Variants in ISLR2 observed in about 807,000 individuals in gnomAD.
ISLR2 encodes the protein immunoglobulin superfamily containing leucine rich repeat 2.
A neutral mutation model predicts 25.5 loss-of-function variants in ISLR2; 16 were observed. That is an observed-to-expected ratio of 0.63 (90% confidence interval 0.43 to 0.95). The LOEUF is 0.95. Ranked by LOEUF, ISLR2 falls within the 40% of genes least tolerant of loss-of-function variation. The pLI is 0.00. For missense variants in ISLR2, 883 were observed against 1,030.7 expected (o/e 0.86, Z 1.96); for synonymous variants, 508 against 486.6 (o/e 1.04, Z -0.58).
Position 74,133,418 on chromosome 15 carries a change from G to A in ISLR2, c.664G>A (p.Val222Met), listed in dbSNP as rs758693988. Residue 222 changes from valine to methionine, a missense_variant, in exon 3 of 3, where the codon GTG (valine) becomes ATG (methionine). Coordinates refer to ENST00000453268, the MANE Select transcript of ISLR2 (RefSeq NM_020851.3). The part of the protein sequence containing the change: ...ASPPALQGVP[V>M]YRLPALPCAP... The stretch of plus-strand genomic sequence containing the variant: ...GCCTCCCGCGCTGCAGGGGGTGCCG[G>A]TGTACCGCCTGCCCGCCCTGCCCTG... 1.2e-5 allele frequency: 19 copies of A among 1,607,330 alleles called. No homozygotes were observed. Among genetic ancestry groups the A allele is most frequent in the East Asian group, 2.2e-5 (1 of 44,864 alleles).
intron 2 of ISLR2, among the ~76,000 whole-genome samples, chr15:74,113,133 A>G (rs1328211977): frequency 6.6e-6 from 1 of 152,230 alleles, no homozygotes; most frequent in Non-Finnish European, 1.5e-5. Flanking sequence ...TGCAGTTCAC[A>G]TTAGGGTTCA....
chr15:74,102,248 A>T (rs1339335574), intron 1 of ISLR2, among the ~76,000 whole-genome samples: 1 of 103,380 alleles, frequency 9.7e-6, no homozygotes, highest in Non-Finnish European at 2.0e-5. Context: ...TTCAACTTTT[A>T]TTTCATGCTG....
chr15:74,112,240 C>T (rs1435732081), intron 2 of ISLR2, among the ~76,000 whole-genome samples: 1 of 152,178 alleles, frequency 6.6e-6, no homozygotes, highest in East Asian at 1.9e-4. Flanking sequence ...GGCTAGGTCA[C>T]CTGCTGGAAG....
chr15:74,110,149 C>A (rs539757147), intron 2 of ISLR2, among the ~76,000 whole-genome samples: 1 of 152,158 alleles, frequency 6.6e-6, no homozygotes, highest in Non-Finnish European at 1.5e-5. Flanking sequence ...TGGGGAAATG[C>A]AAATTAAAAC....
At chr15:74,117,542 G>A (rs550812419) in intron 2 of ISLR2, among the ~76,000 whole-genome samples, 2 of 152,142 alleles carry the variant, frequency 1.3e-5, no homozygotes, top group East Asian at 1.9e-4. Flanking sequence ...AAATAGCCAG[G>A]CATGGTGGTA....
Position 74,134,325 on chromosome 15 carries a change from G to A in ISLR2, c.1571G>A (p.Arg524Gln). The A allele has an allele frequency of 1.3e-6, 2 of 1,539,256 alleles. No homozygotes were observed. The highest frequency in any genetic ancestry group is 1.7e-6 in the Non-Finnish European group (2 of 1,145,796). Residue 524 changes from arginine (R) to glutamine (Q), a missense_variant, in exon 3 of 3, where the codon CGG becomes CAG. Transcript: ENST00000453268. Reference sequence around the variant, plus strand: ...GCTGGCGGAGCCCCGCGACCCGGGCGGCGACCCCTGCGCCTACTCTATCTG... The same window carrying A: ...GCTGGCGGAGCCCCGCGACCCGGGCAGCGACCCCTGCGCCTACTCTATCTG... ...GGAGGAPRPG[R>Q]RPLRLLYLCP...
At chr15:74,106,920 G>T (rs1355443857) in intron 2 of ISLR2, among the ~76,000 whole-genome samples, 3 of 152,088 alleles carry the variant, frequency 2.0e-5, no homozygotes, top group Non-Finnish European at 2.9e-5. Flanking sequence ...TTCTCTCTCC[G>T]CCCCCTTCAG....
intron 2 of ISLR2, among the ~76,000 whole-genome samples, chr15:74,119,809 A>G (rs2072238628): frequency 6.6e-6 from 1 of 152,218 alleles, no homozygotes; most frequent in Non-Finnish European, 1.5e-5. Flanking sequence ...AAACCTAAAG[A>G]AAATTAATAA....
At chr15:74,122,082 A>G (rs1024968060) in intron 2 of ISLR2, among the ~76,000 whole-genome samples, 1 of 152,182 alleles carries the variant, frequency 6.6e-6, no homozygotes, top group African/African-American at 2.4e-5. Flanking sequence ...CAAGAGCCTC[A>G]AGGGCCTCCT....
intron 2 of ISLR2, among the ~76,000 whole-genome samples, chr15:74,122,605 C>T (rs924932661): frequency 2.0e-5 from 3 of 152,230 alleles, no homozygotes; most frequent in Non-Finnish European, 4.4e-5. Flanking sequence ...GGTTGTTTTT[C>T]GCTTGGGCAG....
intron 2 of ISLR2, among the ~76,000 whole-genome samples, chr15:74,112,462 C>T (rs1377442994): frequency 1.3e-5 from 2 of 151,818 alleles, no homozygotes; most frequent in African/African-American, 2.4e-5. Flanking sequence ...AATTCTTTAA[C>T]GTATGTATGT....
chr15:74,118,644 CTATTATTAT>C (rs112112565), intron 2 of ISLR2, among the ~76,000 whole-genome samples: 45 of 145,760 alleles, frequency 3.1e-4, no homozygotes, highest in Admixed American at 6.2e-4. Flanking sequence ...AAATCTGAAG[CTATTATTAT>C]TATTATTATT....
rs1595947466 is a variant in ISLR2 at position 74,132,438 on chromosome 15, C to G, written c.-8-309C>G. On this transcript the variant is annotated intron_variant, in intron 2 of 2. Coordinates refer to ENST00000453268, the MANE Select transcript of ISLR2 (RefSeq NM_020851.3). The surrounding 1 kb of genome is among the most constrained non-coding windows in gnomAD (Gnocchi z 4.3). Reference sequence around the variant, plus strand: ...ACACAGAGAGGGGTACGTGAGGAGCCCGCTGGAGATGGGCGAGCTGCGGAG... The same window carrying G: ...ACACAGAGAGGGGTACGTGAGGAGCGCGCTGGAGATGGGCGAGCTGCGGAG... Among the ~76,000 whole-genome samples, 1 of 152,088 alleles carries G rather than the reference C, an allele frequency of 6.6e-6. No individual in the cohort carries two copies. Among genetic ancestry groups the G allele is most frequent in the Non-Finnish European group, 1.5e-5 (1 of 68,014 alleles).
At chr15:74,121,071 ACT>A (rs1238249996) in intron 2 of ISLR2, among the ~76,000 whole-genome samples, 1 of 149,672 alleles carries the variant, frequency 6.7e-6, no homozygotes, top group African/African-American at 2.5e-5. Context: ...TATCTAGGTG[ACT>A]CTATCCCAAG....
chr15:74,123,286 G>A (rs1263904771), upstream of ISLR2, among the ~76,000 whole-genome samples: 1 of 151,996 alleles, frequency 6.6e-6, no homozygotes, highest in African/African-American at 2.4e-5. Context: ...AATTGCCAAG[G>A]GCCATGAGGA....
At chr15:74,108,714 G>A (rs570569834) in intron 2 of ISLR2, among the ~76,000 whole-genome samples, 8 of 152,336 alleles carry the variant, frequency 5.3e-5, no homozygotes, top group Non-Finnish European at 8.8e-5. Flanking sequence ...TGGGTCAAGC[G>A]GAACACATGT....
intron 2 of ISLR2, among the ~76,000 whole-genome samples, chr15:74,108,055 G>A (rs2072135426): frequency 6.6e-6 from 1 of 152,172 alleles, no homozygotes; most frequent in Non-Finnish European, 1.5e-5. Flanking sequence ...GCTGGGAGGT[G>A]TCGACAGCCC....
chr15:74,140,351 A>G (rs1251531415), downstream of ISLR2, among the ~76,000 whole-genome samples: 2 of 152,156 alleles, frequency 1.3e-5, no homozygotes, highest in Non-Finnish European at 2.9e-5. Flanking sequence ...TAGACATCTC[A>G]GTTTTTCCTC....
In ISLR2 at chr15:74,134,240, C is replaced by T. The variant is rs1359610294; in HGVS notation, c.1486C>T (p.Arg496Cys). The T allele has an allele frequency of 2.5e-6, 4 of 1,589,714 alleles. No homozygotes were observed. Among genetic ancestry groups the T allele is most frequent in the Non-Finnish European group, 3.4e-6 (4 of 1,168,332 alleles). Residue 496 changes from arginine to cysteine, a missense_variant, in exon 3 of 3, where the codon CGC (arginine) becomes TGC (cysteine). Around this residue, in one of 2 missense-constraint regions of ISLR2, gnomAD observed 612 missense variants for 642.8 expected, o/e 0.95. Coordinates refer to ENST00000453268, the MANE Select transcript of ISLR2 (RefSeq NM_020851.3). ...LGVIALDVAE[R>C]EARVQLTPLA... The stretch of plus-strand genomic sequence containing the variant: ...CGTCATCGCGCTGGATGTGGCGGAG[C>T]GCGAGGCGCGGGTGCAGCTGACTCC...
Sources: gnomAD v4.1 joint callset for allele counts (sites outside exome capture counted in the v4.1 genomes callset) on GRCh38, gnomAD v4.1.1 for gene constraint, gnomAD v4.1.1 regional missense constraint, Gnocchi (gnomAD v3.1) non-coding constraint, MANE v1.5 for transcripts, NCBI Gene and HGNC (gene_info 2026-07-23, HGNC 2026-07-21) for gene names.